The following PLCB1 variants were observed in gnomAD, a reference collection of about 807,000 sequenced individuals.
PLCB1 encodes phospholipase C beta 1, also known as 1-phosphatidylinositol 4,5-bisphosphate phosphodiesterase beta-1.
Under a neutral mutation model 161.8 loss-of-function variants are expected in PLCB1, and 46 were observed. That is an observed-to-expected ratio of 0.28 (90% CI 0.22 to 0.36). The LOEUF (loss-of-function observed/expected upper bound fraction) is 0.36. Ranked by LOEUF, PLCB1 falls within the 10% of genes least tolerant of loss-of-function variation. The probability of loss-of-function intolerance (pLI) is 1.00; values close to 1 mark genes in which losing one functional copy is unlikely to be tolerated. For missense variants in PLCB1, 1,016 were observed against 1,472.5 expected, an observed-to-expected ratio of 0.69 and a Z score of 5.07; for synonymous variants, 517 against 503.7, an observed-to-expected ratio of 1.03 and a Z score of -0.35.
chr20:8,807,139 G>A (rs1205515387), intron 31 of PLCB1, among the ~76,000 whole-genome samples: 3 of 152,146 alleles, frequency 2.0e-5, no homozygotes, highest in Admixed American at 1.3e-4. Flanking sequence ...TTTTGAGTCC[G>A]TGAAGGATGC....
intron 2 of PLCB1, among the ~76,000 whole-genome samples, chr20:8,263,369 A>G (rs1013462895): frequency 6.6e-6 from 1 of 152,204 alleles, no homozygotes; most frequent in Non-Finnish European, 1.5e-5. Flanking sequence ...GTTCAATATT[A>G]TTTCAGATTG....
chr20:8,603,753 C>T (rs375610416), intron 3 of PLCB1, among the ~76,000 whole-genome samples: 25 of 152,336 alleles, frequency 1.6e-4, no homozygotes, highest in Admixed American at 6.5e-4. Flanking sequence ...TTCAACTTGA[C>T]ACTAACCAAT....
intron 4 of PLCB1, among the ~76,000 whole-genome samples, chr20:8,630,034 TCTC>T (rs1988533993): frequency 2.0e-5 from 3 of 147,098 alleles, no homozygotes; most frequent in Admixed American, 6.9e-5. Context: ...CTTTCTTTCC[TCTC>T]TTCTTTCCTT....
intron 2 of PLCB1, among the ~76,000 whole-genome samples, chr20:8,368,893 G>C (rs1986812981): frequency 9.0e-6 from 1 of 110,552 alleles, no homozygotes; most frequent in Admixed American, 1.5e-4. Flanking sequence ...ACAGTTATAA[G>C]GCTGGCAAAC....
chr20:8,455,452 TTTTTTG>T (rs1391723394), intron 3 of PLCB1, among the ~76,000 whole-genome samples: 1 of 134,818 alleles, frequency 7.4e-6, no homozygotes, highest in African/African-American at 2.8e-5. Flanking sequence ...TTTTTTTTTT[TTTTTTG>T]GAGACGGAGT....
At chr20:8,337,270 A>G (rs1484564211) in intron 2 of PLCB1, among the ~76,000 whole-genome samples, 1 of 152,218 alleles carries the variant, frequency 6.6e-6, no homozygotes, top group African/African-American at 2.4e-5. Context: ...GGAAAATTAA[A>G]TAATTGGTGA....
At chr20:8,662,530 A>T (rs1319151971) in intron 9 of PLCB1, among the ~76,000 whole-genome samples, 1 of 143,066 alleles carries the variant, frequency 7.0e-6, no homozygotes, top group Non-Finnish European at 1.5e-5. Context: ...TTTTATAATT[A>T]TGTGTAATAT....
chr20:8,512,797 T>C (rs1415908418), intron 3 of PLCB1, among the ~76,000 whole-genome samples: 10 of 152,180 alleles, frequency 6.6e-5, no homozygotes, highest in African/African-American at 2.4e-4. Context: ...CATTTCTTTG[T>C]GGTACAAACA....
rs1280847032 is a variant in PLCB1 at position 8,459,337 on chromosome 20, A to G, written c.246+87887A>G. ...ACATGGATTAATATAGATCCTGGCGAGTCCTTAAATAATAAATTATTGAAG... is the reference window on the plus strand; with the variant it reads ...ACATGGATTAATATAGATCCTGGCGGGTCCTTAAATAATAAATTATTGAAG... On this transcript the variant is annotated intron_variant, in intron 3 of 31. Coordinates refer to ENST00000338037, the MANE Select transcript of PLCB1 (RefSeq NM_015192.4). Among the ~76,000 whole-genome samples the G allele has an allele frequency of 2.0e-5, 3 of 152,330 alleles. No homozygotes were observed. In the East Asian group the frequency reaches 5.8e-4, roughly 29 times the overall value.
At chr20:8,228,462 C>T (rs1196259134) in intron 2 of PLCB1, among the ~76,000 whole-genome samples, 1 of 152,036 alleles carries the variant, frequency 6.6e-6, no homozygotes, top group African/African-American at 2.4e-5. Context: ...CTGTGCATCC[C>T]CACCCCCGCA....
intron 3 of PLCB1, among the ~76,000 whole-genome samples, chr20:8,518,815 A>G (rs6055879): frequency 0.19 from 29,303 of 151,750 alleles, 2,994 homozygotes; most frequent in African/African-American, 0.24. Flanking sequence ...ATCAATGGGA[A>G]CCCTAAGCTT....
At chr20:8,209,385 A>G (rs1179784719) in intron 2 of PLCB1, among the ~76,000 whole-genome samples, 1 of 152,118 alleles carries the variant, frequency 6.6e-6, no homozygotes, top group African/African-American at 2.4e-5. Flanking sequence ...TAGCAAATGT[A>G]GACTTTGTTC....
At chr20:8,473,629 A>T (rs2122722608) in intron 3 of PLCB1, among the ~76,000 whole-genome samples, 1 of 152,308 alleles carries the variant, frequency 6.6e-6, no homozygotes, top group South Asian at 2.1e-4. Flanking sequence ...CCACAGCTCT[A>T]GTGCAATAAT....
At chr20:8,740,765 C>T (rs1980835977) in intron 22 of PLCB1, among the ~76,000 whole-genome samples, 1 of 152,212 alleles carries the variant, frequency 6.6e-6, no homozygotes, top group Admixed American at 6.5e-5. Context: ...GGTCTGTACA[C>T]TGAATTTGTC....
intron 2 of PLCB1, among the ~76,000 whole-genome samples, chr20:8,227,272 C>CG (rs1339403966): frequency 4.6e-5 from 7 of 152,072 alleles, no homozygotes; most frequent in African/African-American, 1.7e-4. Flanking sequence ...AAGAGAAAAG[C>CG]AAAAACAATA....
At chr20:8,624,047 C>T (rs888143088) in intron 3 of PLCB1, 3 of 152,200 alleles carry the variant, frequency 2.0e-5, no homozygotes, top group African/African-American at 7.2e-5. Flanking sequence ...ATTTCCTCCA[C>T]AATGAAATTT....
intron 22 of PLCB1, 68 bp downstream of exon 22, chr20:8,740,516 T>A: frequency 7.8e-6 from 7 of 902,188 alleles, no homozygotes; most frequent in Non-Finnish European, 1.1e-5. Flanking sequence ...CATATATTTT[T>A]GGGTTAGTGA....
intron 3 of PLCB1, among the ~76,000 whole-genome samples, chr20:8,450,958 G>A (rs1421174997): frequency 6.6e-6 from 1 of 152,092 alleles, no homozygotes; most frequent in African/African-American, 2.4e-5. Context: ...AAAACATTTG[G>A]CAAATTTGTA....
intron 2 of PLCB1, among the ~76,000 whole-genome samples, chr20:8,287,743 T>A (rs1983191920): frequency 6.6e-6 from 1 of 152,158 alleles, no homozygotes; most frequent in South Asian, 2.1e-4. Flanking sequence ...TTTATGGCAT[T>A]TACATGTGAC....
Sources: allele counts gnomAD v4.1 joint callset (sites outside exome capture counted in the v4.1 genomes callset), GRCh38; gene constraint gnomAD v4.1.1; transcripts MANE v1.5; gene names NCBI Gene and HGNC (gene_info 2026-07-23, HGNC 2026-07-21).